The following DNAJC5B variants were observed in gnomAD, a reference collection of about 807,000 sequenced individuals.
The protein encoded by DNAJC5B is DnaJ heat shock protein family (Hsp40) member C5 beta, also known as dnaJ homolog subfamily C member 5B.
In DNAJC5B, 23 loss-of-function variants were observed where a neutral mutation model predicts 24.7. The observed-to-expected ratio is 0.93, with a 90% CI of 0.67 to 1.32. The LOEUF (loss-of-function observed/expected upper bound fraction) is 1.32. DNAJC5B is among the 40% of genes most tolerant of loss of function. The pLI, the probability that DNAJC5B is intolerant of heterozygous loss-of-function variation, is 0.00. For synonymous variants in DNAJC5B, 101 were observed against 90.1 expected (o/e 1.12, Z -0.68); for missense variants, 238 against 240.8 (o/e 0.99, Z 0.08).
chr8:66,068,622 G>T (rs972678412), intron 3 of DNAJC5B, among the ~76,000 whole-genome samples: 1 of 152,010 alleles, frequency 6.6e-6, no homozygotes, highest in Admixed American at 6.6e-5. Flanking sequence ...TATTAAGTTA[G>T]ATATAAGCAA....
chr8:66,048,550 C>T (rs564327552), intron 2 of DNAJC5B, among the ~76,000 whole-genome samples: 2 of 152,220 alleles, frequency 1.3e-5, no homozygotes, highest in Admixed American at 1.3e-4. Flanking sequence ...GGGCAGGGGA[C>T]CAGTGGGCAT....
At chr8:66,053,631 CT>C (rs1349312911) in intron 3 of DNAJC5B, among the ~76,000 whole-genome samples, 404 of 141,032 alleles carry the variant, frequency 2.9e-3, no homozygotes, top group Admixed American at 2.8e-3. Context: ...CTTCAACTAC[CT>C]TTTTTTTTTT....
At chr8:66,028,556 C>T (rs1205970753) in intron 1 of DNAJC5B, among the ~76,000 whole-genome samples, 1 of 152,140 alleles carries the variant, frequency 6.6e-6, no homozygotes, top group Non-Finnish European at 1.5e-5. Context: ...TTTGTGATTC[C>T]CACCTCAGCC....
intron 5 of DNAJC5B, among the ~76,000 whole-genome samples, chr8:66,089,761 C>T (rs375888864): frequency 6.6e-6 from 1 of 152,264 alleles, no homozygotes; most frequent in South Asian, 2.1e-4. Context: ...TATAATCCAG[C>T]TTCTACCTTT....
intron 3 of DNAJC5B, among the ~76,000 whole-genome samples, chr8:66,066,023 C>T (rs185787724): frequency 2.6e-5 from 4 of 152,218 alleles, no homozygotes; most frequent in Non-Finnish European, 4.4e-5. Context: ...ACTGGCTCTA[C>T]GTGGCTGGAA....
At chr8:66,036,967 C>G (rs1472698363) in intron 1 of DNAJC5B, among the ~76,000 whole-genome samples, 1 of 152,192 alleles carries the variant, frequency 6.6e-6, no homozygotes, top group Non-Finnish European at 1.5e-5. Flanking sequence ...GGTTCTGCGG[C>G]AGGGCTGGAA....
chr8:66,042,607 T>G (rs1806634979), intron 1 of DNAJC5B, among the ~76,000 whole-genome samples: 1 of 150,558 alleles, frequency 6.6e-6, no homozygotes, highest in Non-Finnish European at 1.5e-5. Flanking sequence ...CTCTTCTTCT[T>G]CTTCTTCTTC....
intron 4 of DNAJC5B, among the ~76,000 whole-genome samples, chr8:66,078,201 T>A (rs963100504): frequency 6.6e-6 from 1 of 152,158 alleles, no homozygotes; most frequent in Non-Finnish European, 1.5e-5. Flanking sequence ...AAAATTCACA[T>A]GGACAAGCAG....
At chr8:66,087,417 C>T (rs1807751046) in intron 5 of DNAJC5B, among the ~76,000 whole-genome samples, 1 of 152,146 alleles carries the variant, frequency 6.6e-6, no homozygotes, top group Non-Finnish European at 1.5e-5. Context: ...CATTCTGCCC[C>T]TGGCCCATCC....
chr8:66,018,053 A>G (rs1268961268), upstream of DNAJC5B, among the ~76,000 whole-genome samples: 1 of 152,152 alleles, frequency 6.6e-6, no homozygotes, highest in Non-Finnish European at 1.5e-5. Flanking sequence ...CTGTACTACT[A>G]TCGAGAGCAC....
At chr8:66,058,256 A>T (rs1168511248) in intron 3 of DNAJC5B, among the ~76,000 whole-genome samples, 1 of 152,110 alleles carries the variant, frequency 6.6e-6, no homozygotes, top group African/African-American at 2.4e-5. Flanking sequence ...GTAGTTTCCC[A>T]TCAAGTCTGT....
chr8:66,030,730 AG>A (rs909134566), intron 1 of DNAJC5B, among the ~76,000 whole-genome samples: 2 of 151,964 alleles, frequency 1.3e-5, no homozygotes, highest in Non-Finnish European at 2.9e-5. Context: ...TCTGCCTCCC[AG>A]GTTCTAGCGT....
intron 5 of DNAJC5B, 99 bp downstream of exon 5, chr8:66,080,647 C>T: frequency 9.4e-7 from 1 of 1,068,870 alleles, no homozygotes; most frequent in Non-Finnish European, 1.3e-6. Flanking sequence ...AGGAGAGCTC[C>T]CACAACCAAA....
chr8:66,051,524 C>A lies in DNAJC5B; in HGVS notation c.-17-7C>A. The A allele has an allele frequency of 6.5e-7, 1 of 1,549,544 alleles. No individual in the cohort carries two copies. The stretch of plus-strand genomic sequence containing the variant: ...CATAACCTTCATGGCTATTTTCTCC[C>A]CTTTAGTTTTGCAGCCTTAGAAAAT... On this transcript the variant is annotated splice_polypyrimidine_tract_variant and splice_region_variant and intron_variant, in intron 2 of 5. Coordinates refer to ENST00000276570, the MANE Select transcript of DNAJC5B (RefSeq NM_033105.6).
intron 5 of DNAJC5B, among the ~76,000 whole-genome samples, chr8:66,093,026 T>C (rs896642617): frequency 5.9e-5 from 9 of 152,158 alleles, no homozygotes; most frequent in African/African-American, 2.2e-4. Flanking sequence ...TGTCTGTGTG[T>C]GCTCCATTCA....
chr8:66,066,727 G>A (rs1280022759), intron 3 of DNAJC5B, among the ~76,000 whole-genome samples: 1 of 152,078 alleles, frequency 6.6e-6, no homozygotes, highest in Admixed American at 6.5e-5. Flanking sequence ...TCAGAAGGGG[G>A]AGGGTAGAAG....
intron 3 of DNAJC5B, among the ~76,000 whole-genome samples, chr8:66,072,961 T>C (rs1356038529): frequency 1.3e-5 from 2 of 152,254 alleles, no homozygotes; most frequent in East Asian, 1.9e-4. Flanking sequence ...CATTCACTCA[T>C]AGTGAATTCA....
chr8:66,088,396 C>A (rs1807775828), intron 5 of DNAJC5B, among the ~76,000 whole-genome samples: 1 of 152,160 alleles, frequency 6.6e-6, no homozygotes, highest in African/African-American at 2.4e-5. Flanking sequence ...TCTGTACATG[C>A]CCTGGAGACA....
chr8:66,069,828 G>A (rs772195301), intron 3 of DNAJC5B, among the ~76,000 whole-genome samples: 25 of 152,050 alleles, frequency 1.6e-4, no homozygotes, highest in Admixed American at 3.3e-4. Context: ...CTGGCAAACC[G>A]AATCCAGCAG....
Sources: gnomAD v4.1 joint callset for allele counts (sites outside exome capture counted in the v4.1 genomes callset) on GRCh38, gnomAD v4.1.1 for gene constraint, MANE v1.5 for transcripts, NCBI Gene and HGNC (gene_info 2026-07-23, HGNC 2026-07-21) for gene names.